The following ALOX5AP variants were observed in gnomAD, a reference collection of about 807,000 sequenced individuals.
ALOX5AP encodes arachidonate 5-lipoxygenase-activating protein.
ALOX5AP carries 9 observed loss-of-function variants against 18.5 expected under a neutral mutation model. That is an observed-to-expected ratio of 0.49 (90% CI 0.29 to 0.85). The LOEUF (loss-of-function observed/expected upper bound fraction) is 0.85, where lower values mean the gene tolerates loss of function less well. Among genes scored for constraint, ALOX5AP ranks in the 40% least tolerant of loss-of-function variants. The pLI, the probability that ALOX5AP is intolerant of heterozygous loss-of-function variation, is 0.08. For missense variants in ALOX5AP, 172 were observed against 202.5 expected (o/e 0.85, Z 0.91); for synonymous variants, 81 against 78.6 (o/e 1.03, Z -0.16).
At chr13:30,726,431 T>G (rs547059797) in intron 1 of ALOX5AP, among the ~76,000 whole-genome samples, 1 of 152,308 alleles carries the variant, frequency 6.6e-6, no homozygotes, top group Non-Finnish European at 1.5e-5. Flanking sequence ...GCAAGGAACT[T>G]GGACTCACTG....
chr13:30,731,045 C>T (rs909104343), upstream of ALOX5AP, among the ~76,000 whole-genome samples: 4 of 152,148 alleles, frequency 2.6e-5, no homozygotes, highest in East Asian at 1.9e-4. Flanking sequence ...GGGGTGGGCT[C>T]GCAGCCCTGT....
intron 3 of ALOX5AP, among the ~76,000 whole-genome samples, chr13:30,752,562 G>A (rs557286012): frequency 7.2e-5 from 11 of 152,292 alleles, no homozygotes; most frequent in South Asian, 4.1e-4. Flanking sequence ...CCACATCCCC[G>A]GCCTTCCCAC....
chr13:30,761,508 A>C (rs549995565), intron 4 of ALOX5AP, among the ~76,000 whole-genome samples: 3 of 152,224 alleles, frequency 2.0e-5, no homozygotes, highest in Admixed American at 6.5e-5. Context: ...TGGCTAAAAA[A>C]TATCCCTTAC....
chr13:30,717,492 A>G (rs1566077508), intron 1 of ALOX5AP, among the ~76,000 whole-genome samples: 1 of 152,204 alleles, frequency 6.6e-6, no homozygotes, highest in Non-Finnish European at 1.5e-5. Flanking sequence ...CTTCTGACCA[A>G]TCCACTTCAA....
At chr13:30,762,278 A>T (rs1214169483) in intron 4 of ALOX5AP, among the ~76,000 whole-genome samples, 1 of 152,198 alleles carries the variant, frequency 6.6e-6, no homozygotes, top group Non-Finnish European at 1.5e-5. Flanking sequence ...AGTGACTTTC[A>T]GACTCCTGCT....
At chr13:30,744,272 C>A (rs111282470) in intron 2 of ALOX5AP, 113 bp downstream of exon 2, 2 of 925,224 alleles carry the variant, frequency 2.2e-6, no homozygotes, top group Admixed American at 2.2e-5. Context: ...AGTTTCTGAG[C>A]GCCAGGGAGG....
intron 2 of ALOX5AP, 192 bp downstream of exon 2, chr13:30,744,351 CA>C (rs1458952809): frequency 1.9e-6 from 1 of 535,850 alleles, no homozygotes; most frequent in Non-Finnish European, 3.4e-6. Context: ...GTGCTAGTGT[CA>C]AAACAAAGGG....
At chr13:30,753,964 G>T (rs17245561) in intron 3 of ALOX5AP, among the ~76,000 whole-genome samples, 3,053 of 152,300 alleles carry the variant, frequency 0.02, 54 homozygotes, top group African/African-American at 0.048. Flanking sequence ...CATGGGCCAG[G>T]CACAGTGGCT....
chr13:30,730,861 TG>T (rs984427923), upstream of ALOX5AP, among the ~76,000 whole-genome samples: 2 of 152,236 alleles, frequency 1.3e-5, no homozygotes, highest in African/African-American at 4.8e-5. Flanking sequence ...TCCTGATCTC[TG>T]TTGACAAATG....
At chr13:30,751,931 G>A (rs1951855148) in intron 2 of ALOX5AP, 121 bp from the exon 3 acceptor site, 3 of 961,966 alleles carry the variant, frequency 3.1e-6, no homozygotes, top group South Asian at 1.5e-5. Flanking sequence ...GTGGAATTAC[G>A]AATGGGATTT....
At chr13:30,751,971 T>G in intron 2 of ALOX5AP, 81 bp from the exon 3 acceptor site, 1 of 1,333,858 alleles carries the variant, frequency 7.5e-7, no homozygotes, top group East Asian at 2.3e-5. Flanking sequence ...GATTATTAAC[T>G]TCAACTTTCA....
intron 4 of ALOX5AP, among the ~76,000 whole-genome samples, chr13:30,760,134 G>A (rs1323668827): frequency 6.6e-6 from 1 of 152,110 alleles, no homozygotes; most frequent in Admixed American, 6.5e-5. Flanking sequence ...TTCTTTAGAG[G>A]TCACCAGGCT....
chr13:30,713,919 G>A, intron 1 of ALOX5AP: 2 of 1,472,710 alleles, frequency 1.4e-6, no homozygotes, highest in Non-Finnish European at 1.8e-6. Flanking sequence ...CCTGGGCCCA[G>A]GGCCATGTTC....
At chr13:30,751,154 C>T (rs1215293732) in intron 2 of ALOX5AP, among the ~76,000 whole-genome samples, 1 of 152,150 alleles carries the variant, frequency 6.6e-6, no homozygotes, top group Admixed American at 6.5e-5. Context: ...ACCTCCGCCT[C>T]CCAGGTTCAA....
chr13:30,754,987 T>C (rs996454349), intron 3 of ALOX5AP, among the ~76,000 whole-genome samples: 12 of 152,258 alleles, frequency 7.9e-5, no homozygotes, highest in African/African-American at 2.9e-4. Context: ...CTTTTATATC[T>C]GTAGCTCTAG....
upstream of ALOX5AP, among the ~76,000 whole-genome samples, chr13:30,731,125 G>A (rs186440172): frequency 9.2e-5 from 14 of 152,242 alleles, no homozygotes; most frequent in Admixed American, 2.0e-4. Context: ...GTTATTTCCC[G>A]TGAAGTGTAT....
intron 1 of ALOX5AP, among the ~76,000 whole-genome samples, chr13:30,718,483 GC>G (rs1338403622): frequency 2.7e-5 from 4 of 149,996 alleles, no homozygotes. Flanking sequence ...ACCCACCCTT[GC>G]CCCCTTCCTC....
intron 1 of ALOX5AP, among the ~76,000 whole-genome samples, chr13:30,718,475 C>A (rs892601265): frequency 6.6e-6 from 1 of 150,650 alleles, no homozygotes; most frequent in African/African-American, 2.4e-5. Flanking sequence ...TGTCTCTGAC[C>A]CACCCTTGCC....
rs1383209302 is a variant in ALOX5AP, at chr13:30,756,000, G to C, written c.298G>C (p.Gly100Arg). ...GTTTGTGAGGCAAAAGTACTTTGTC[G>C]GTTACCTAGGAGAGAGAACGCAGAG... ...YLFVRQKYFV[G>R]YLGERTQSTP... The change falls in exon 4 of 5, where the codon GGT becomes CGT. Residue 100 changes from glycine (G) to arginine (R), a missense_variant. Transcript: ENST00000380490. The C allele has an allele frequency of 6.2e-7, 1 of 1,614,086 alleles. No individual in the cohort carries two copies. Among genetic ancestry groups the C allele is most frequent in the Non-Finnish European group, 8.5e-7 (1 of 1,179,962 alleles).
Sources: allele counts gnomAD v4.1 joint callset (sites outside exome capture counted in the v4.1 genomes callset), GRCh38; gene constraint gnomAD v4.1.1; transcripts MANE v1.5; gene names NCBI Gene and HGNC (gene_info 2026-07-23, HGNC 2026-07-21).